Variants in WDFY4 observed in about 807,000 individuals in gnomAD.
The protein encoded by WDFY4 is WDFY family member 4, also known as WD repeat- and FYVE domain-containing protein 4.
A neutral mutation model predicts 351.9 loss-of-function variants in WDFY4; 169 were observed. The ratio of observed to expected loss-of-function variants is 0.48; its 90% CI spans 0.42 to 0.55. The LOEUF is 0.55. WDFY4 is among the 20% of genes least tolerant of loss of function. The pLI, the probability that WDFY4 is intolerant of heterozygous loss-of-function variation, is 0.00. For missense variants in WDFY4, 3,803 were observed against 3,935.6 expected, an observed-to-expected ratio of 0.97 and a Z score of 0.90; for synonymous variants, 1,622 against 1,574.6, an observed-to-expected ratio of 1.03 and a Z score of -0.71.
At chr10:48,861,397 T>C (rs1355425977) in intron 39 of WDFY4, among the ~76,000 whole-genome samples, 1 of 152,218 alleles carries the variant, frequency 6.6e-6, no homozygotes, top group African/African-American at 2.4e-5. Context: ...TGACAAATTC[T>C]CTTAATTTTA....
chr10:48,752,517 A>G (rs2065214518), intron 12 of WDFY4, among the ~76,000 whole-genome samples: 1 of 152,246 alleles, frequency 6.6e-6, no homozygotes, highest in South Asian at 2.1e-4. Context: ...TTATCACCCC[A>G]AAAGGAAAAC....
At chr10:48,962,077 A>AAGAAGGGCCAGC (rs2131798780) in intron 53 of WDFY4, among the ~76,000 whole-genome samples, 1 of 152,214 alleles carries the variant, frequency 6.6e-6, no homozygotes, top group East Asian at 2.0e-4. Context: ...AAGAGGTAAG[A>AAGAAGGGCCAGC]AGAAGGGCCA....
In WDFY4 at chr10:48,978,382, C is replaced by T; in HGVS notation, c.9365C>T (p.Pro3122Leu). 3 of 1,551,042 alleles carry T rather than the reference C, an allele frequency of 1.9e-6. No individual in the cohort carries two copies. Among genetic ancestry groups the T allele is most frequent in the Non-Finnish European group, 2.6e-6 (3 of 1,146,736 alleles). ...PAGEEPPAQP[P>L]SPRGHKWEKN... ...GGAGAGGAGCCCCCGGCTCAGCCTC[C>T]AAGCCCAAGAGGTACCTGACCTGCT... Residue 3122 changes from proline (P) to leucine (L), a missense_variant, in exon 60 of 62, where the codon CCA (proline) becomes CTA (leucine). Physicochemically the swap from Pro to Leu is moderately conservative, Grantham distance 98. Around this residue, in one of 3 missense-constraint regions of WDFY4, gnomAD observed 3,054 missense variants for 3,148.6 expected, o/e 0.97. Transcript: ENST00000325239.
At chr10:48,730,709 A>G (rs2064431900) in intron 8 of WDFY4, among the ~76,000 whole-genome samples, 1 of 152,264 alleles carries the variant, frequency 6.6e-6, no homozygotes, top group African/African-American at 2.4e-5. Flanking sequence ...TTTTAACTTT[A>G]AATAAGAAGA....
At chr10:48,778,888 A>G (rs2066125711) in intron 18 of WDFY4, 56 bp downstream of exon 18, 3 of 1,527,214 alleles carry the variant, frequency 2.0e-6, no homozygotes, top group Non-Finnish European at 2.6e-6. Context: ...AATGGGGCTA[A>G]GTCAGAAGCT....
chr10:48,720,957 G>C (rs2064065600), intron 3 of WDFY4, among the ~76,000 whole-genome samples: 1 of 152,184 alleles, frequency 6.6e-6, no homozygotes, highest in African/African-American at 2.4e-5. Context: ...AGGAAGTAGG[G>C]GGAGATTCTG....
intron 31 of WDFY4, 46 bp from the exon 32 acceptor site, chr10:48,817,199 C>T (rs768284746): frequency 3.0e-5 from 46 of 1,539,310 alleles, no homozygotes; most frequent in Admixed American, 3.9e-5. Flanking sequence ...AGGGAGGCAG[C>T]GCCCATCATG....
At chr10:48,887,831 T>C (rs1023825930) in intron 43 of WDFY4, among the ~76,000 whole-genome samples, 4 of 151,248 alleles carry the variant, frequency 2.6e-5, no homozygotes, top group Admixed American at 1.3e-4. Context: ...TCAAAATGAC[T>C]TATCTGCAAG....
At chr10:48,966,390 G>T in intron 54 of WDFY4, 136 bp from the exon 55 acceptor site, 1 of 947,722 alleles carries the variant, frequency 1.1e-6, no homozygotes, top group Non-Finnish European at 1.5e-6. Context: ...CAGAGGTTCT[G>T]TTCATGTTCA....
At chr10:48,936,915 A>T (rs114003805) in intron 47 of WDFY4, among the ~76,000 whole-genome samples, 2,686 of 142,784 alleles carry the variant, frequency 0.019, 72 homozygotes, top group African/African-American at 0.061. Flanking sequence ...TGTATTGTAT[A>T]AACTTCAGGT....
chr10:48,838,612 A>T (rs1306797639), intron 39 of WDFY4, among the ~76,000 whole-genome samples: 1 of 152,202 alleles, frequency 6.6e-6, no homozygotes, highest in Non-Finnish European at 1.5e-5. Flanking sequence ...CATAAGTAGT[A>T]AAATAATGTG....
chr10:48,957,097 GC>G, intron 51 of WDFY4, 31 bp from the exon 52 acceptor site: 1 of 1,538,468 alleles, frequency 6.5e-7, no homozygotes. Flanking sequence ...GCCAGTGAGA[GC>G]GGCTGGTCAT....
At chr10:48,818,113 A>G (rs1490038398) in intron 32 of WDFY4, among the ~76,000 whole-genome samples, 1 of 152,232 alleles carries the variant, frequency 6.6e-6, no homozygotes, top group Non-Finnish European at 1.5e-5. Context: ...AAGGTCAGGT[A>G]TGGAAGAAGG....
At chr10:48,730,978 T>A (rs1013907777) in intron 8 of WDFY4, 132 bp from the exon 9 acceptor site, 1 of 1,060,304 alleles carries the variant, frequency 9.4e-7, no homozygotes, top group South Asian at 1.7e-5. Flanking sequence ...TCTGGACTTC[T>A]GATGGACATG....
intron 47 of WDFY4, chr10:48,914,116 T>C (rs1340380050): frequency 1.2e-6 from 2 of 1,614,038 alleles, no homozygotes; most frequent in Non-Finnish European, 1.7e-6. Context: ...ACCTTGAGGG[T>C]GATCTTCTTG....
intron 57 of WDFY4, among the ~76,000 whole-genome samples, chr10:48,972,956 C>T (rs1467652164): frequency 6.6e-6 from 1 of 152,196 alleles, no homozygotes; most frequent in Non-Finnish European, 1.5e-5. Context: ...CCCTTTGAAG[C>T]TGCTATCTCT....
At chr10:48,723,662 G>T (rs1362506061) in intron 5 of WDFY4, 95 bp downstream of exon 5, 6 of 1,491,766 alleles carry the variant, frequency 4.0e-6, no homozygotes, top group Non-Finnish European at 5.4e-6. Context: ...GTCTTTCTCA[G>T]CCCTGGTTCC....
chr10:48,776,740 G>C lies in WDFY4; in HGVS notation c.2864-10G>C. 1 of 1,513,478 alleles carries C rather than the reference G, an allele frequency of 6.6e-7. No homozygotes were observed. The highest frequency in any genetic ancestry group is 2.5e-5 in the East Asian group (1 of 40,382). 93.8% of individuals were successfully genotyped at this position (1,513,478 alleles called of 1,614,324 possible). On this transcript the variant is annotated splice_polypyrimidine_tract_variant and intron_variant, in intron 15 of 61. Coordinates refer to ENST00000325239, the MANE Select transcript of WDFY4 (RefSeq NM_001394531.1). ...CAGAGACACATCTCTTCTCTTGCTT[G>C]CTGCCCTAGGGTCACAGACTGCACA...
At chr10:48,738,411 A>C (rs2064743775) in intron 11 of WDFY4, among the ~76,000 whole-genome samples, 1 of 152,232 alleles carries the variant, frequency 6.6e-6, no homozygotes, top group Non-Finnish European at 1.5e-5. Flanking sequence ...AGAGCACATA[A>C]GGGAAGAACA....
Sources: gnomAD v4.1 joint callset for allele counts (sites outside exome capture counted in the v4.1 genomes callset) on GRCh38, gnomAD v4.1.1 for gene constraint, gnomAD v4.1.1 regional missense constraint, MANE v1.5 for transcripts, NCBI Gene and HGNC (gene_info 2026-07-23, HGNC 2026-07-21) for gene names.